Variants in ZNF618 observed in about 807,000 individuals in gnomAD.
The protein encoded by ZNF618 is neural precursor cell expressed, developmentally down-regulated 10.
In ZNF618, 34 loss-of-function variants were observed where a neutral mutation model predicts 103.0. The ratio of observed to expected loss-of-function variants is 0.33; its 90% CI spans 0.25 to 0.44. The LOEUF is 0.44. ZNF618 is among the 20% of genes least tolerant of loss of function. ZNF618 has a pLI of 1.00. For synonymous variants in ZNF618, 551 were observed against 542.2 expected (o/e 1.02, Z -0.23); for missense variants, 1,059 against 1,295.4 (o/e 0.82, Z 2.80).
intron 1 of ZNF618, among the ~76,000 whole-genome samples, chr9:113,923,794 C>G (rs1168346854): frequency 1.3e-5 from 2 of 152,036 alleles, no homozygotes; most frequent in African/African-American, 4.8e-5. Flanking sequence ...TATCCCTTAT[C>G]TGAAATGCCT....
At chr9:113,932,473 C>T (rs1394407189) in intron 1 of ZNF618, among the ~76,000 whole-genome samples, 1 of 151,980 alleles carries the variant, frequency 6.6e-6, no homozygotes, top group African/African-American at 2.4e-5. Flanking sequence ...CCCCTGGCTG[C>T]TATGAGGGAA....
Position 114,050,587 on chromosome 9 carries a change from G to A in ZNF618, c.*420G>A, listed in dbSNP as rs12002334. 8.3e-3 allele frequency: 1,312 copies of A among 157,568 alleles called. 22 individuals carry two copies. Among genetic ancestry groups the A allele is most frequent in the African/African-American group, 0.029 (1,210 of 41,728 alleles). The allele number at this position is 157,568 out of a possible 1,614,324, so 9.8% of individuals were successfully genotyped here. On this transcript the variant is annotated 3_prime_UTR_variant, in exon 15 of 15. Coordinates refer to ENST00000374126, the MANE Select transcript of ZNF618 (RefSeq NM_001318042.2). ...GGAGATGTTTCACCTCCTTTTCTCA[G>A]TAAGGGGGCTTTAGAAGACTCCGCT... is the stretch of plus-strand genomic sequence containing the variant.
intron 1 of ZNF618, among the ~76,000 whole-genome samples, chr9:113,966,554 C>G (rs573651569): frequency 1.3e-5 from 2 of 152,184 alleles, no homozygotes; most frequent in African/African-American, 4.8e-5. Flanking sequence ...ACAGACCACA[C>G]CGGCCTGGCG....
In ZNF618 at chr9:114,052,819, G is replaced by C. The variant is rs1292536793; in HGVS notation, c.*2652G>C. The C allele has an allele frequency of 6.6e-6, 1 of 152,230 alleles. No homozygotes were observed. The highest frequency in any genetic ancestry group is 1.5e-5 in the Non-Finnish European group (1 of 68,048). 9.4% of individuals were successfully genotyped at this position (152,230 alleles called of 1,614,324 possible). A position where few individuals can be genotyped will look rare whatever the true frequency, so the allele number is the denominator to read the frequency against. On this transcript the variant is annotated 3_prime_UTR_variant, in exon 15 of 15. Coordinates refer to ENST00000374126, the MANE Select transcript of ZNF618 (RefSeq NM_001318042.2). ...TTGGAAAGCCATCGGACTAAGCCCA[G>C]ATGTGCATTTAGAGCACTCAGCATT...
intron 3 of ZNF618, among the ~76,000 whole-genome samples, chr9:113,996,689 C>T (rs569208243): frequency 1.3e-4 from 20 of 152,300 alleles, no homozygotes; most frequent in African/African-American, 4.3e-4. Flanking sequence ...AAAGTCCGCT[C>T]CTGCCTCCTG....
At chr9:114,026,508 G>A (rs1388104308) in intron 10 of ZNF618, among the ~76,000 whole-genome samples, 1 of 152,226 alleles carries the variant, frequency 6.6e-6, no homozygotes, top group Non-Finnish European at 1.5e-5. Flanking sequence ...AGCCTCAGAG[G>A]GAAAGCAGCT....
chr9:114,024,173 A>T (rs1431767883), intron 10 of ZNF618, among the ~76,000 whole-genome samples: 1 of 152,184 alleles, frequency 6.6e-6, no homozygotes, highest in Admixed American at 6.5e-5. Flanking sequence ...CCTGTCTTCA[A>T]GTTCACTGAT....
rs781598929 is a variant in ZNF618, at chr9:113,988,395, G to T, written c.152G>T (p.Ser51Ile). Residue 51 changes from serine to isoleucine, a missense_variant, in exon 3 of 15, where the codon AGT becomes ATT. This residue lies in a region of ZNF618 where 194 missense variants were observed against 209.0 expected (regional missense o/e 0.93). Transcript: ENST00000374126. Reference protein sequence around the residue: ...PEPVPAEASLSAEQGTMTEVK... With the variant: ...PEPVPAEASLIAEQGTMTEVK... ...CCAGTGCCAGCCGAGGCCTCGCTGA[G>T]TGCCGAGCAAGGAACGATGACGGAG... 34 of 1,613,648 alleles carry T rather than the reference G, an allele frequency of 2.1e-5. No homozygotes were observed. Among genetic ancestry groups the T allele is most frequent in the Non-Finnish European group, 2.9e-5 (34 of 1,179,880 alleles).
intron 1 of ZNF618, among the ~76,000 whole-genome samples, chr9:113,905,733 G>A (rs907500002): frequency 6.6e-6 from 1 of 152,174 alleles, no homozygotes; most frequent in African/African-American, 2.4e-5. Flanking sequence ...GGGTGAAGCC[G>A]TTGAAGAATT....
chr9:113,922,909 C>G (rs1470897319), intron 1 of ZNF618, among the ~76,000 whole-genome samples: 1 of 152,198 alleles, frequency 6.6e-6, no homozygotes. Context: ...GAAATCTTAA[C>G]AATACGGAGT....
At chr9:114,021,536 TAAGAA>T (rs1415107761) in intron 10 of ZNF618, among the ~76,000 whole-genome samples, 1 of 152,088 alleles carries the variant, frequency 6.6e-6, no homozygotes, top group African/African-American at 2.4e-5. Context: ...AGGTCATAAT[TAAGAA>T]AATGAATATT....
intron 1 of ZNF618, among the ~76,000 whole-genome samples, chr9:113,888,693 G>C (rs1271483257): frequency 6.6e-6 from 1 of 152,208 alleles, no homozygotes; most frequent in Non-Finnish European, 1.5e-5. Context: ...TGTTGGAGGA[G>C]AAATAGCCCT....
chr9:114,025,283 T>G (rs1365839899), intron 10 of ZNF618, among the ~76,000 whole-genome samples: 1 of 152,260 alleles, frequency 6.6e-6, no homozygotes, highest in East Asian at 1.9e-4. Flanking sequence ...TTCATCCTCC[T>G]CTACCTCGTG....
rs535220179 is a variant in ZNF618 at position 113,908,771 on chromosome 9, C to T, written c.33+32358C>T. On this transcript the variant is annotated intron_variant, in intron 1 of 14. Coordinates refer to ENST00000374126, the MANE Select transcript of ZNF618 (RefSeq NM_001318042.2). ...CACTGGGGAGTGAGGATCACAGAAT[C>T]ACAAGATACCATAATAAGGATGGAA... is the stretch of plus-strand genomic sequence containing the variant. Among the ~76,000 whole-genome samples, 4 of 152,100 alleles carry T rather than the reference C, an allele frequency of 2.6e-5. No individual in the cohort carries two copies. In the East Asian group the frequency reaches 7.8e-4, roughly 30 times the overall value.
intron 12 of ZNF618, among the ~76,000 whole-genome samples, chr9:114,034,842 G>A (rs1844440746): frequency 6.6e-6 from 1 of 152,352 alleles, no homozygotes; most frequent in South Asian, 2.1e-4. Flanking sequence ...CCTAGAAGTA[G>A]CTGCCAGCTC....
chr9:113,891,873 A>G lies in ZNF618; in HGVS notation c.33+15460A>G, dbSNP rs535854644. On this transcript the variant is annotated intron_variant, in intron 1 of 14. Transcript: ENST00000374126. ...ATTTACATAACCTAACAAATCAACAATATATGATAGAATATTCAGCCTTAA... is the reference window on the plus strand; with the variant it reads ...ATTTACATAACCTAACAAATCAACAGTATATGATAGAATATTCAGCCTTAA... Among the ~76,000 whole-genome samples the G allele has an allele frequency of 5.9e-5, 9 of 152,328 alleles. No homozygotes were observed. In the East Asian group the frequency reaches 1.2e-3, roughly 20 times the overall value.
At chr9:113,884,261 A>G (rs1408200858) in intron 1 of ZNF618, among the ~76,000 whole-genome samples, 2 of 152,172 alleles carry the variant, frequency 1.3e-5, no homozygotes, top group Non-Finnish European at 2.9e-5. Context: ...TGAGCAGAGC[A>G]TAGTCGGAGA....
intron 4 of ZNF618, among the ~76,000 whole-genome samples, chr9:114,000,724 A>C (rs553362055): frequency 6.6e-6 from 1 of 152,300 alleles, no homozygotes; most frequent in African/African-American, 2.4e-5. Context: ...AGTAGGAGTT[A>C]ATGATCTTCA....
chr9:114,038,424 C>A (rs1012043932), intron 13 of ZNF618, among the ~76,000 whole-genome samples: 8 of 152,248 alleles, frequency 5.3e-5, no homozygotes, highest in Admixed American at 5.2e-4. Context: ...GAATGCCTGG[C>A]CGGCCATCCA....
Sources: allele counts gnomAD v4.1 joint callset (sites outside exome capture counted in the v4.1 genomes callset), GRCh38; gene constraint gnomAD v4.1.1; regional missense constraint gnomAD v4.1.1; transcripts MANE v1.5; gene names NCBI Gene and HGNC (gene_info 2026-07-23, HGNC 2026-07-21).